HDGFL3: variants seen among roughly 807,000 people sequenced by gnomAD.
The protein encoded by HDGFL3 is hepatoma-derived growth factor-related protein 3.
In HDGFL3, 6 loss-of-function variants were observed where a neutral mutation model predicts 27.6. The observed-to-expected ratio is 0.22, with a 90% CI of 0.12 to 0.43. The LOEUF (loss-of-function observed/expected upper bound fraction) is 0.43, where lower values mean the gene tolerates loss of function less well. HDGFL3 is among the 20% of genes least tolerant of loss of function. The pLI is 1.00. For synonymous variants in HDGFL3, 88 were observed against 88.9 expected (o/e 0.99, Z 0.05); for missense variants, 207 against 250.1 (o/e 0.83, Z 1.16).
chr15:83,200,856 C>CTT (rs200038603), intron 1 of HDGFL3, among the ~76,000 whole-genome samples: 16 of 120,160 alleles, frequency 1.3e-4, no homozygotes, highest in South Asian at 2.7e-4. Context: ...TTACTTTATT[C>CTT]TTTTTTTTTT....
chr15:83,118,230 T>TAC (rs72160704), intron 3 of HDGFL3, among the ~76,000 whole-genome samples: 5,624 of 146,270 alleles, frequency 0.038, 116 homozygotes, highest in Middle Eastern at 0.056. Context: ...TCTCTGTACG[T>TAC]ACACACACAC....
At chr15:83,123,296 G>A (rs1251619342), downstream of HDGFL3, among the ~76,000 whole-genome samples, 3 of 152,056 alleles carry the variant, frequency 2.0e-5, no homozygotes. Flanking sequence ...CCTCAAGGTA[G>A]TCTACACAGC....
At chr15:83,153,500 G>A (rs1271674629) in intron 4 of HDGFL3, among the ~76,000 whole-genome samples, 2 of 152,166 alleles carry the variant, frequency 1.3e-5, no homozygotes, top group Non-Finnish European at 2.9e-5. Flanking sequence ...GGTATTCTAT[G>A]AAGAAATCTG....
rs3082058 is a variant in HDGFL3 at position 83,145,897 on chromosome 15, C to CTTTT, written c.606+5314_606+5317dup. Among the ~76,000 whole-genome samples the CTTTT allele has an allele frequency of 5.9e-4, 29 of 49,478 alleles. 2 individuals are homozygous for CTTTT. Among genetic ancestry groups the CTTTT allele is most frequent in the African/African-American group, 1.1e-3 (13 of 12,332 alleles). 32.5% of individuals were successfully genotyped at this position (49,478 alleles called of 152,430 possible). A position where few individuals can be genotyped will look rare whatever the true frequency, so the allele number is the denominator to read the frequency against. ...TTCTCTCTCTCTCCCTTTCTTCTTC[C>CTTTT]TTTTTTTTTTTTTTTTTTTTTTTTT... is the stretch of plus-strand genomic sequence containing the variant. On this transcript the variant is annotated intron_variant, in intron 5 of 5. Transcript: ENST00000299633.
chr15:83,121,663 CAT>C lies in HDGFL3; in HGVS notation c.394-5924_394-5923del, dbSNP rs891892757. On this transcript the variant is annotated intron_variant, in intron 3 of 3. Transcript: ENST00000568294. ...GCAGGAGTCCTGTGGCAGGGATGAT[CAT>C]GTTGTAGTTTAACAGAAGACATAGC... Among the ~76,000 whole-genome samples the C allele has an allele frequency of 8.4e-4, 128 of 152,040 alleles. 2 individuals carry two copies. The highest frequency in any genetic ancestry group is 1.9e-4 in the Non-Finnish European group (13 of 68,024).
At chr15:83,169,869 A>G (rs1190805516) in intron 1 of HDGFL3, among the ~76,000 whole-genome samples, 1 of 152,204 alleles carries the variant, frequency 6.6e-6, no homozygotes, top group Non-Finnish European at 1.5e-5. Context: ...TGACTTCAGT[A>G]AAGTTTCTGG....
chr15:83,184,839 T>C (rs2037421188), intron 1 of HDGFL3: 1 of 152,164 alleles, frequency 6.6e-6, no homozygotes, highest in Admixed American at 6.5e-5. Context: ...CAACAGATAA[T>C]ACATTTCCAT....
chr15:83,136,673 A>G lies in HDGFL3; in HGVS notation c.*2597T>C. Reference sequence around the variant, plus strand: ...AAAGGCAGAAGAAAAAGTGGAATAAAAATATTACTTCATGTTCCTCCTTTC... The same window carrying G: ...AAAGGCAGAAGAAAAAGTGGAATAAGAATATTACTTCATGTTCCTCCTTTC... On this transcript the variant is annotated 3_prime_UTR_variant, in exon 6 of 6. Coordinates refer to ENST00000299633, the MANE Select transcript of HDGFL3 (RefSeq NM_016073.4). The G allele has an allele frequency of 6.3e-7, 1 of 1,590,542 alleles. No homozygotes were observed. Among genetic ancestry groups the G allele is most frequent in the Non-Finnish European group, 8.5e-7 (1 of 1,172,926 alleles).
intron 3 of HDGFL3, chr15:83,122,021 A>G (rs932273501): frequency 5.1e-6 from 8 of 1,581,964 alleles, no homozygotes; most frequent in Non-Finnish European, 6.9e-6. Flanking sequence ...ACTTTATCTT[A>G]AAGTTCACTT....
At chr15:83,141,710 A>G (rs889464179) in intron 5 of HDGFL3, among the ~76,000 whole-genome samples, 1 of 152,188 alleles carries the variant, frequency 6.6e-6, no homozygotes, top group Non-Finnish European at 1.5e-5. Context: ...CAGCCTATCA[A>G]AGTGCTGGGG....
At chr15:83,160,557 A>G (rs868238418) in intron 2 of HDGFL3, among the ~76,000 whole-genome samples, 6 of 140,286 alleles carry the variant, frequency 4.3e-5, no homozygotes, top group African/African-American at 2.6e-5. Flanking sequence ...TGGGGGGGGA[A>G]CAATATTTGG....
intron 4 of HDGFL3, among the ~76,000 whole-genome samples, chr15:83,155,691 AT>A (rs888514543): frequency 2.0e-5 from 3 of 152,222 alleles, no homozygotes; most frequent in Non-Finnish European, 4.4e-5. Flanking sequence ...GTTGGGTAAG[AT>A]TTTATATACT....
chr15:83,174,042 T>C (rs2037279039), intron 1 of HDGFL3, among the ~76,000 whole-genome samples: 1 of 152,212 alleles, frequency 6.6e-6, no homozygotes, highest in South Asian at 2.1e-4. Flanking sequence ...TAGAAACTTA[T>C]TATTAAAGTA....
intron 1 of HDGFL3, among the ~76,000 whole-genome samples, chr15:83,181,851 C>T (rs1004511790): frequency 6.6e-6 from 1 of 152,168 alleles, no homozygotes; most frequent in Non-Finnish European, 1.5e-5. Context: ...CTCCACAATC[C>T]TCCTTGGTCT....
Position 83,132,478 on chromosome 15 carries a change from T to C in HDGFL3, c.*6792A>G, listed in dbSNP as rs942760530. On this transcript the variant is annotated 3_prime_UTR_variant, in exon 6 of 6. Transcript: ENST00000299633. The stretch of plus-strand genomic sequence containing the variant: ...TAACTCCCTGGCTATGTAGGTGCTA[T>C]GTCATGTCTTTTTCTCACAAAGAGA... 7 of 152,202 alleles carry C rather than the reference T, an allele frequency of 4.6e-5. No homozygotes were observed. The highest frequency in any genetic ancestry group is 1.7e-4 in the African/African-American group (7 of 41,464). The allele number at this position is 152,202 out of a possible 1,614,324, so 9.4% of individuals were successfully genotyped here.
At chr15:83,118,231 AC>A (rs2034873038) in intron 3 of HDGFL3, among the ~76,000 whole-genome samples, 2 of 49,752 alleles carry the variant, frequency 4.0e-5, no homozygotes, top group Middle Eastern at 8.1e-3. Context: ...CTCTGTACGT[AC>A]ACACACACAC....
chr15:83,122,589 T>C (rs756186703), intron 3 of HDGFL3, among the ~76,000 whole-genome samples: 3 of 152,202 alleles, frequency 2.0e-5, no homozygotes, highest in Non-Finnish European at 2.9e-5. Flanking sequence ...GACATGCCTG[T>C]TAATACACAT....
chr15:83,206,941 G>A (rs1456279524), intron 1 of HDGFL3, among the ~76,000 whole-genome samples: 1 of 152,320 alleles, frequency 6.6e-6, no homozygotes, highest in African/African-American at 2.4e-5. Flanking sequence ...CCCCGCTGCC[G>A]TACCTGCCCC....
chr15:83,196,363 T>C (rs1479028786), intron 1 of HDGFL3, among the ~76,000 whole-genome samples: 1 of 151,936 alleles, frequency 6.6e-6, no homozygotes, highest in African/African-American at 2.4e-5. Flanking sequence ...TGAATTAAAA[T>C]AGTTAAAAAG....
Sources: gnomAD v4.1 joint callset for allele counts (sites outside exome capture counted in the v4.1 genomes callset) on GRCh38, gnomAD v4.1.1 for gene constraint, MANE v1.5 for transcripts, NCBI Gene and HGNC (gene_info 2026-07-23, HGNC 2026-07-21) for gene names.